Variants in KANSL3 observed in about 807,000 individuals in gnomAD.
KANSL3 encodes NSL complex protein NSL3.
Under a neutral mutation model 89.2 loss-of-function variants are expected in KANSL3, and 16 were observed. The ratio of observed to expected loss-of-function variants is 0.18; its 90% CI spans 0.12 to 0.27. The LOEUF (loss-of-function observed/expected upper bound fraction) is 0.27, where lower values mean the gene tolerates loss of function less well. KANSL3 is among the 10% of genes least tolerant of loss of function. The pLI is 1.00. For missense variants in KANSL3, 879 were observed against 1,110.6 expected, an observed-to-expected ratio of 0.79 and a Z score of 2.96; for synonymous variants, 385 against 419.7, an observed-to-expected ratio of 0.92 and a Z score of 1.01.
At chr2:96,613,774 A>G (rs2069438528) in intron 5 of KANSL3, among the ~76,000 whole-genome samples, 155 bp from the exon 6 acceptor site, 1 of 152,106 alleles carries the variant, frequency 6.6e-6, no homozygotes, top group Non-Finnish European at 1.5e-5. Flanking sequence ...ATATATAAAT[A>G]AGCGGGTGAA....
chr2:96,631,274 T>C (rs1302589558), intron 3 of KANSL3, 38 bp downstream of exon 3: 1 of 1,406,714 alleles, frequency 7.1e-7, no homozygotes, highest in South Asian at 1.2e-5. Flanking sequence ...TACAAAATAA[T>C]TACAGGGCAG....
chr2:96,611,088 C>T lies in KANSL3; in HGVS notation c.1137G>A (p.Leu379=). 4 of 1,613,956 alleles carry T rather than the reference C, an allele frequency of 2.5e-6. No homozygotes were observed. Among genetic ancestry groups the T allele is most frequent in the Non-Finnish European group, 3.4e-6 (4 of 1,179,852 alleles). ...VTAVVCLGFP[L]LTVDGPRGDV... Reference sequence around the variant, plus strand: ...CCCCTCTGGGGCCATCCACAGTAAGCAGAGGAAACCCAAGGCAGACAACTG... The same window carrying T: ...CCCCTCTGGGGCCATCCACAGTAAGTAGAGGAAACCCAAGGCAGACAACTG... Residue 379 remains leucine, a synonymous_variant, in exon 10 of 21, where the codon CTG becomes CTA. Transcript: ENST00000431828.
the KANSL3 span, among the ~76,000 whole-genome samples, chr2:96,581,050 C>T: frequency 6.6e-6 from 1 of 152,280 alleles, no homozygotes; most frequent in Non-Finnish European, 1.5e-5. Flanking sequence ...TGTTTTGAGT[C>T]TCAGGTCCCT....
chr2:96,581,241 T>C, the KANSL3 span, among the ~76,000 whole-genome samples: 1 of 152,160 alleles, frequency 6.6e-6, no homozygotes, highest in Admixed American at 6.5e-5. Context: ...CTGACCAACA[T>C]GGTGAAACCC....
intron 5 of KANSL3, chr2:96,615,615 G>C: frequency 1.2e-6 from 1 of 804,054 alleles, no homozygotes; most frequent in East Asian, 6.3e-5. Flanking sequence ...TGAAAAATTG[G>C]AGAATAAAAA....
In KANSL3 at chr2:96,602,255, A is replaced by G; in HGVS notation, c.2343T>C (p.Pro781=). The G allele has an allele frequency of 6.2e-7, 1 of 1,612,484 alleles. No individual in the cohort carries two copies. Among genetic ancestry groups the G allele is most frequent in the Non-Finnish European group, 8.5e-7 (1 of 1,179,384 alleles). Residue 781 remains proline (P), a synonymous_variant, in exon 19 of 21, where the codon CCT becomes CCC. Transcript: ENST00000431828. ...CCAAGGAGGAGAGAGTGGTGGCCAC[A>G]GGAATGGTACGGACAATGGTGCTGG... ...TGTSTIVRTI[P]VATTLSSLGA... is the part of the protein sequence containing the mutation.
At chr2:96,614,654 C>T (rs1404143784) in intron 5 of KANSL3, among the ~76,000 whole-genome samples, 1 of 151,704 alleles carries the variant, frequency 6.6e-6, no homozygotes, top group Non-Finnish European at 1.5e-5. Context: ...ACCAGTAATC[C>T]CAGCTACTTG....
intron 20 of KANSL3, among the ~76,000 whole-genome samples, chr2:96,598,908 CAAAAAAAAAAAAAAA>C: frequency 2.2e-5 from 1 of 44,970 alleles, no homozygotes; most frequent in African/African-American, 7.4e-5. Flanking sequence ...GAGACTGTCT[CAAAAAAAAAAAAAAA>C]AAAAAAAAAA....
chr2:96,629,246 T>C (rs894329630), intron 3 of KANSL3, among the ~76,000 whole-genome samples: 3 of 152,222 alleles, frequency 2.0e-5, no homozygotes, highest in African/African-American at 4.8e-5. Flanking sequence ...TTTTGCTGAA[T>C]ATACTGACTC....
chr2:96,591,239 A>G (rs1464422872), downstream of KANSL3, among the ~76,000 whole-genome samples: 1 of 152,206 alleles, frequency 6.6e-6, no homozygotes, highest in African/African-American at 2.4e-5. Context: ...AAACAAGACA[A>G]TCTCAAAAGG....
chr2:96,609,343 C>G (rs1240266882), intron 12 of KANSL3, among the ~76,000 whole-genome samples, 156 bp downstream of exon 12: 2 of 152,138 alleles, frequency 1.3e-5, no homozygotes, highest in Non-Finnish European at 1.5e-5. Flanking sequence ...CATTAATTCA[C>G]CACTCTCATT....
At chr2:96,633,381 C>T (rs1158229411) in intron 2 of KANSL3, among the ~76,000 whole-genome samples, 1 of 151,984 alleles carries the variant, frequency 6.6e-6, no homozygotes, top group African/African-American at 2.4e-5. Context: ...ACCAGCTTGG[C>T]CAACATGGTA....
intron 3 of KANSL3, among the ~76,000 whole-genome samples, chr2:96,624,981 G>A (rs760590510): frequency 5.3e-5 from 8 of 152,024 alleles, no homozygotes; most frequent in Admixed American, 5.2e-4. Context: ...CAAGGAGGGC[G>A]GATCACCTGA....
At chr2:96,601,005 G>A in intron 20 of KANSL3, 1 of 562,576 alleles carries the variant, frequency 1.8e-6, no homozygotes, top group Non-Finnish European at 2.3e-6. Flanking sequence ...ACAAAGAAAG[G>A]GCCAGGAGCG....
At chr2:96,593,003 GA>G (rs533969294), downstream of KANSL3, among the ~76,000 whole-genome samples, 265 of 140,586 alleles carry the variant, frequency 1.9e-3, 3 homozygotes, top group South Asian at 0.035. Flanking sequence ...ACTCCATCTC[GA>G]AAAAAAAAAA....
intron 17 of KANSL3, 79 bp from the exon 18 acceptor site, chr2:96,602,941 C>G: frequency 1.5e-6 from 2 of 1,328,856 alleles, no homozygotes; most frequent in Non-Finnish European, 2.1e-6. Flanking sequence ...CATCCACCCT[C>G]ACCACCAACT....
chr2:96,595,757 GAAGTTGGATACAC>G (rs2066472085), intron 20 of KANSL3, 126 bp from the exon 21 acceptor site: 2 of 1,107,532 alleles, frequency 1.8e-6, no homozygotes, highest in Non-Finnish European at 2.6e-6. Flanking sequence ...CAATAGGAAA[GAAGTTGGATACAC>G]AAGGACACAT....
chr2:96,602,093 C>G (rs766645518), intron 19 of KANSL3, 23 bp downstream of exon 19: 50 of 1,547,074 alleles, frequency 3.2e-5, no homozygotes, highest in Non-Finnish European at 4.1e-5. Flanking sequence ...TGGGAGTCCC[C>G]ACAGTTCTCA....
intron 2 of KANSL3, among the ~76,000 whole-genome samples, chr2:96,633,506 T>C (rs1573657845): frequency 6.7e-6 from 1 of 148,604 alleles, no homozygotes; most frequent in Non-Finnish European, 1.5e-5. Flanking sequence ...GAGACGGAGG[T>C]TGCAGTGAGC....
Sources: allele counts gnomAD v4.1 joint callset (sites outside exome capture counted in the v4.1 genomes callset), GRCh38; gene constraint gnomAD v4.1.1; transcripts MANE v1.5; gene names NCBI Gene and HGNC (gene_info 2026-07-23, HGNC 2026-07-21).